The following ALDH7A1 variants were observed in gnomAD, a reference collection of about 807,000 sequenced individuals.
The protein encoded by ALDH7A1 is aldehyde dehydrogenase 7 family member A1.
A neutral mutation model predicts 79.9 loss-of-function variants in ALDH7A1; 63 were observed. The observed-to-expected ratio is 0.79, with a 90% CI of 0.64 to 0.97. The LOEUF (loss-of-function observed/expected upper bound fraction) is 0.97. ALDH7A1 is among the 50% of genes least tolerant of loss of function. The pLI, the probability that ALDH7A1 is intolerant of heterozygous loss-of-function variation, is 0.00. For synonymous variants in ALDH7A1, 240 were observed against 231.2 expected, an observed-to-expected ratio of 1.04 and a Z score of -0.34; for missense variants, 627 against 665.2, an observed-to-expected ratio of 0.94 and a Z score of 0.63.
At position 126,552,134 on chromosome 5, in the gene ALDH7A1, T is replaced by C; in HGVS notation, c.1204A>G (p.Met402Val). Residue 402 changes from methionine to valine, a missense_variant, in exon 14 of 18, where the codon ATG becomes GTG. Met to Val is a conservative substitution (Grantham distance 21). Transcript: ENST00000409134. Reference protein sequence around the residue: ...GGTVVYGGKVMDRPGNYVEPT... With the variant: ...GGTVVYGGKVVDRPGNYVEPT... ...TCTACATAATTTCCAGGGCGATCCA[T>C]AACCTAATGCAGAGAAATGAAATAA... 1 of 1,612,372 alleles carries C rather than the reference T, an allele frequency of 6.2e-7. No homozygotes were observed. Among genetic ancestry groups the C allele is most frequent in the Non-Finnish European group, 8.5e-7 (1 of 1,178,408 alleles).
chr5:126,575,599 T>TA, intron 6 of ALDH7A1, 135 bp from the exon 7 acceptor site: 1 of 711,588 alleles, frequency 1.4e-6, no homozygotes, highest in Non-Finnish European at 2.3e-6. Context: ...GTGAGTCTAG[T>TA]AACTGAAACA....
intron 5 of ALDH7A1, among the ~76,000 whole-genome samples, chr5:126,577,888 G>A (rs1226850586): frequency 6.6e-6 from 1 of 151,666 alleles, no homozygotes; most frequent in Non-Finnish European, 1.5e-5. Flanking sequence ...TATGTTACCT[G>A]ACGAATCCCT....
At chr5:126,565,310 T>C (rs1203780671) in intron 9 of ALDH7A1, among the ~76,000 whole-genome samples, 1 of 146,256 alleles carries the variant, frequency 6.8e-6, no homozygotes, top group Non-Finnish European at 1.5e-5. Flanking sequence ...GAAGAATCAC[T>C]TGAACCTGGG....
At chr5:126,564,162 G>T (rs62391524) in intron 9 of ALDH7A1, among the ~76,000 whole-genome samples, 77,525 of 151,858 alleles carry the variant, frequency 0.51, 20,809 homozygotes, top group Middle Eastern at 0.61. Context: ...TTAGACATAT[G>T]TTTATTTATT....
rs771970643 is a variant in ALDH7A1, at chr5:126,542,395, G to GGC, written c.*2568_*2569dup. 2.3e-4 allele frequency: 35 copies of GGC among 152,282 alleles called. No homozygotes were observed. The highest frequency in any genetic ancestry group is 4.3e-4 in the Non-Finnish European group (29 of 68,118). 9.4% of individuals were successfully genotyped at this position (152,282 alleles called of 1,614,324 possible). On this transcript the variant is annotated 3_prime_UTR_variant, in exon 18 of 18. Transcript: ENST00000409134. ...AATTTTCCACAGAGCTGGGCATGGT[G>GGC]GCACACTCCTGTAATCCCAACAACT...
chr5:126,593,308 A>AACACACACACACACACAC (rs142510783), intron 2 of ALDH7A1, 43 bp downstream of exon 2: 28 of 1,546,986 alleles, frequency 1.8e-5, no homozygotes, highest in African/African-American at 1.4e-4. Context: ...ATTTGAATTA[A>AACACACACACACACACAC]ACACACACAC....
chr5:126,567,354 T>G (rs1750616391), intron 9 of ALDH7A1, among the ~76,000 whole-genome samples: 2 of 152,206 alleles, frequency 1.3e-5, no homozygotes, highest in South Asian at 4.1e-4. Context: ...AAAAATGGCC[T>G]TACTAAATAA....
Position 126,584,008 on chromosome 5 carries a change from G to A in ALDH7A1, c.317C>T (p.Pro106Leu). 6 of 1,613,930 alleles carry A rather than the reference G, an allele frequency of 3.7e-6. No individual in the cohort carries two copies. The highest frequency in any genetic ancestry group is 5.1e-6 in the Non-Finnish European group (6 of 1,179,822). The change falls in exon 4 of 18, where the codon CCT becomes CTT. Residue 106 changes from proline (P) to leucine (L), a missense_variant. Pro to Leu is a moderately conservative substitution (Grantham distance 98). Coordinates refer to ENST00000409134, the MANE Select transcript of ALDH7A1 (RefSeq NM_001182.5). ...REAWKIWADIPAPKRGEIVRQ... is the reference protein window; with the variant it reads ...REAWKIWADILAPKRGEIVRQ... ...TACTATTTCTCCTCGTTTTGGAGCA[G>A]GAATCTAAGAAAAGAATGCAATTTT...
intron 9 of ALDH7A1, among the ~76,000 whole-genome samples, chr5:126,567,406 A>C (rs943333433): frequency 6.6e-6 from 1 of 152,236 alleles, no homozygotes; most frequent in Non-Finnish European, 1.5e-5. Flanking sequence ...CCCAAAAACA[A>C]ACATTTCAAA....
intron 3 of ALDH7A1, chr5:126,587,242 C>T (rs1751385366): frequency 6.6e-6 from 1 of 152,154 alleles, no homozygotes; most frequent in African/African-American, 2.4e-5. Context: ...TGGAAGAAAG[C>T]AGCAAGTCTA....
In ALDH7A1 at chr5:126,546,391, T is replaced by C; in HGVS notation, c.1498A>G (p.Lys500Glu). 2 of 1,614,106 alleles carry C rather than the reference T, an allele frequency of 1.2e-6. No homozygotes were observed. The highest frequency in any genetic ancestry group is 8.5e-7 in the Non-Finnish European group (1 of 1,179,976). Reference protein sequence around the residue: ...AEIGGAFGGEKHTGGGRESGS... With the variant: ...AEIGGAFGGEEHTGGGRESGS... ...GACTCCCTGCCACCACCAGTGTGCT[T>C]TTCTCCTCCTAGAGAAATAAAAAAT... is the stretch of plus-strand genomic sequence containing the variant. Residue 500 changes from lysine to glutamate, a missense_variant, in exon 17 of 18, where the codon AAG (lysine) becomes GAG (glutamate). Coordinates refer to ENST00000409134, the MANE Select transcript of ALDH7A1 (RefSeq NM_001182.5).
intron 12 of ALDH7A1, 96 bp from the exon 13 acceptor site, chr5:126,554,489 C>G: frequency 1.1e-6 from 1 of 900,832 alleles, no homozygotes; most frequent in Non-Finnish European, 1.9e-6. Context: ...CCAATCCCTT[C>G]CTATATGCTC....
At chr5:126,572,782 A>G (rs953032561) in intron 7 of ALDH7A1, among the ~76,000 whole-genome samples, 1 of 152,166 alleles carries the variant, frequency 6.6e-6, no homozygotes, top group Non-Finnish European at 1.5e-5. Context: ...TGGGGCTCTC[A>G]CTTTCTTGTA....
intron 1 of ALDH7A1, chr5:126,593,766 A>C: frequency 2.8e-6 from 1 of 356,164 alleles, no homozygotes; most frequent in Non-Finnish European, 5.3e-6. Context: ...CTCAGAGATG[A>C]AATGGCCAAG....
Position 126,595,183 on chromosome 5 carries a change from G to A in ALDH7A1, c.16C>T (p.Arg6Cys), listed in dbSNP as rs781779462. 20 of 1,552,286 alleles carry A rather than the reference G, an allele frequency of 1.3e-5. No individual in the cohort carries two copies. The highest frequency in any genetic ancestry group is 2.7e-5 in the African/African-American group (2 of 73,064). The change falls in exon 1 of 18, where the codon CGC becomes TGC. Residue 6 changes from arginine to cysteine, a missense_variant. Coordinates refer to ENST00000409134, the MANE Select transcript of ALDH7A1 (RefSeq NM_001182.5). MWRLP[R>C]ALCVHAAKTS... is the part of the protein sequence containing the mutation. ...TTTGCAGCGTGCACACACAGCGCGC[G>A]AGGAAGGCGCCACATACTGAGCCCG...
At chr5:126,590,119 C>A (rs928465321) in intron 3 of ALDH7A1, among the ~76,000 whole-genome samples, 2 of 151,622 alleles carry the variant, frequency 1.3e-5, no homozygotes, top group Admixed American at 1.3e-4. Flanking sequence ...CCAGCTGCCA[C>A]CCCGTCTGGA....
At chr5:126,576,102 A>G (rs779823956) in intron 6 of ALDH7A1, among the ~76,000 whole-genome samples, 2 of 152,074 alleles carry the variant, frequency 1.3e-5, no homozygotes, top group South Asian at 2.1e-4. Flanking sequence ...TCTACTAAAA[A>G]TACAAAAAAA....
chr5:126,551,946 T>G, intron 14 of ALDH7A1, 75 bp downstream of exon 14: 2 of 1,178,518 alleles, frequency 1.7e-6, no homozygotes, highest in Non-Finnish European at 2.5e-6. Flanking sequence ...GTTCATCCAG[T>G]GAAATTTAAT....
chr5:126,554,928 T>C (rs1421360828), intron 12 of ALDH7A1: 4 of 198,210 alleles, frequency 2.0e-5, no homozygotes, highest in East Asian at 1.3e-4. Flanking sequence ...AAGATGTAGG[T>C]AGGCCTCTAT....
Sources: gnomAD v4.1 joint callset for allele counts (sites outside exome capture counted in the v4.1 genomes callset) on GRCh38, gnomAD v4.1.1 for gene constraint, MANE v1.5 for transcripts, NCBI Gene and HGNC (gene_info 2026-07-23, HGNC 2026-07-21) for gene names.